TOGARAM1: variants seen among roughly 807,000 people sequenced by gnomAD.
TOGARAM1 encodes the protein TOG array regulator of axonemal microtubules 1, also known as TOG array regulator of axonemal microtubules protein 1.
A neutral mutation model predicts 166.6 loss-of-function variants in TOGARAM1; 100 were observed. That is an observed-to-expected ratio of 0.60 (90% CI 0.51 to 0.71). The LOEUF (loss-of-function observed/expected upper bound fraction) is 0.71. TOGARAM1 is among the 30% of genes least tolerant of loss of function. The probability of loss-of-function intolerance (pLI) is 0.00; values close to 1 mark genes in which losing one functional copy is unlikely to be tolerated. For missense variants in TOGARAM1, 2,029 were observed against 2,102.7 expected (o/e 0.96, Z 0.69); for synonymous variants, 758 against 763.8 (o/e 0.99, Z 0.13).
intron 15 of TOGARAM1, among the ~76,000 whole-genome samples, chr14:45,053,190 C>G (rs113801022): frequency 0.017 from 2,612 of 152,110 alleles, 43 homozygotes; most frequent in Admixed American, 0.047. Context: ...AGGTGCCCAC[C>G]ACCACGCCCA....
chr14:45,046,297 G>A (rs1882063712), intron 13 of TOGARAM1, among the ~76,000 whole-genome samples: 1 of 152,134 alleles, frequency 6.6e-6, no homozygotes, highest in African/African-American at 2.4e-5. Context: ...TTACCTGGGT[G>A]TGGTGGCACA....
chr14:45,020,678 G>A (rs1033016229), intron 7 of TOGARAM1, among the ~76,000 whole-genome samples: 1 of 152,206 alleles, frequency 6.6e-6, no homozygotes, highest in Non-Finnish European at 1.5e-5. Flanking sequence ...ATAGGCTGAG[G>A]TACCACAGAC....
chr14:44,981,853 T>A (rs1886555052), intron 1 of TOGARAM1, among the ~76,000 whole-genome samples: 1 of 148,866 alleles, frequency 6.7e-6, no homozygotes, highest in East Asian at 2.0e-4. Flanking sequence ...TTTTTTTTTT[T>A]TTTTTTTTGA....
intron 1 of TOGARAM1, among the ~76,000 whole-genome samples, chr14:44,988,750 TA>T (rs940224313): frequency 6.6e-6 from 1 of 152,216 alleles, no homozygotes; most frequent in African/African-American, 2.4e-5. Flanking sequence ...AACTAGGTCA[TA>T]AAAAGGCACT....
chr14:44,979,428 G>C (rs1040341762), intron 1 of TOGARAM1, among the ~76,000 whole-genome samples: 2 of 152,048 alleles, frequency 1.3e-5, no homozygotes, highest in African/African-American at 4.8e-5. Context: ...TGTTTTATAA[G>C]GGCACTAATC....
At chr14:45,039,400 G>T (rs1404084704) in intron 11 of TOGARAM1, among the ~76,000 whole-genome samples, 4 of 152,154 alleles carry the variant, frequency 2.6e-5, no homozygotes, top group African/African-American at 9.7e-5. Context: ...TGGCTTGAAG[G>T]TACGGCTTCA....
intron 2 of TOGARAM1, among the ~76,000 whole-genome samples, chr14:44,998,009 T>A (rs905788161): frequency 6.6e-6 from 1 of 152,246 alleles, no homozygotes; most frequent in South Asian, 2.1e-4. Context: ...ATCTAAATGA[T>A]AACAGTTTTC....
intron 1 of TOGARAM1, among the ~76,000 whole-genome samples, chr14:44,972,178 C>T (rs746858974): frequency 2.0e-5 from 3 of 152,046 alleles, no homozygotes; most frequent in African/African-American, 4.8e-5. Context: ...AGATTTGGGA[C>T]AGGATACAAA....
chr14:44,997,888 C>G (rs1887507571), intron 2 of TOGARAM1, among the ~76,000 whole-genome samples: 1 of 151,866 alleles, frequency 6.6e-6, no homozygotes, highest in African/African-American at 2.4e-5. Context: ...GATATAGCAC[C>G]CAGGTAATAA....
rs571433374 is a variant in TOGARAM1, at chr14:44,972,080, T to C, written c.2046+7613T>C. Among the ~76,000 whole-genome samples, 19 of 152,154 alleles carry C rather than the reference T, an allele frequency of 1.2e-4. 1 individual carries two copies. The East Asian group carries it at 2.3e-3, about 19-fold the overall frequency. On this transcript the variant is annotated intron_variant, in intron 1 of 19. Coordinates refer to ENST00000361462, the MANE Select transcript of TOGARAM1 (RefSeq NM_001308120.2). ...CAGATCTCTTGATAACTCACTATTATGAGAACAGGAAAGGGGATATCCAAC... is the reference window on the plus strand; with the variant it reads ...CAGATCTCTTGATAACTCACTATTACGAGAACAGGAAAGGGGATATCCAAC...
intron 14 of TOGARAM1, among the ~76,000 whole-genome samples, chr14:45,051,660 A>G (rs1882376652): frequency 6.6e-6 from 1 of 150,832 alleles, no homozygotes; most frequent in Non-Finnish European, 1.5e-5. Context: ...CCTGGATTCA[A>G]ATGATTTTCC....
chr14:45,002,569 T>C (rs181589796), intron 3 of TOGARAM1, among the ~76,000 whole-genome samples: 1 of 152,358 alleles, frequency 6.6e-6, no homozygotes, highest in East Asian at 1.9e-4. Flanking sequence ...TGCATCCCAA[T>C]TTACATATTG....
At chr14:45,017,406 AAC>A (rs113544622) in intron 7 of TOGARAM1, among the ~76,000 whole-genome samples, 425 of 144,536 alleles carry the variant, frequency 2.9e-3, no homozygotes, top group African/African-American at 5.8e-3. Context: ...ATGCACACAA[AAC>A]ACACACACAC....
chr14:44,995,023 G>T (rs1887346936), intron 1 of TOGARAM1, among the ~76,000 whole-genome samples: 1 of 152,160 alleles, frequency 6.6e-6, no homozygotes, highest in Non-Finnish European at 1.5e-5. Context: ...AATGTGAAGT[G>T]ATCCGGGACA....
chr14:45,045,745 GTATATATATACACATATA>G (rs1285246725), intron 13 of TOGARAM1, among the ~76,000 whole-genome samples: 1 of 136,980 alleles, frequency 7.3e-6, no homozygotes, highest in Non-Finnish European at 1.6e-5. Flanking sequence ...ATACACATAT[GTATATATATACACATATA>G]TATATAAAAC....
chr14:45,041,066 A>G (rs1054526308), intron 11 of TOGARAM1, among the ~76,000 whole-genome samples: 1 of 151,400 alleles, frequency 6.6e-6, no homozygotes, highest in Non-Finnish European at 1.5e-5. Context: ...AATAACTTGT[A>G]TAACCCAGTA....
intron 16 of TOGARAM1, among the ~76,000 whole-genome samples, chr14:45,063,371 C>G (rs1402201789): frequency 1.3e-5 from 2 of 152,058 alleles, no homozygotes; most frequent in African/African-American, 4.8e-5. Flanking sequence ...TTCCAAAGTG[C>G]CACCATTTTA....
chr14:45,071,572 T>C (rs1487718386), intron 18 of TOGARAM1, 140 bp from the exon 19 acceptor site: 4 of 512,386 alleles, frequency 7.8e-6, no homozygotes, highest in African/African-American at 6.0e-5. Flanking sequence ...AAATTTTAAA[T>C]AGTGATTATG....
At position 45,009,031 on chromosome 14, in the gene TOGARAM1, A is replaced by G. The variant is rs756109687; in HGVS notation, c.3023A>G (p.Asp1008Gly). 1.2e-6 allele frequency: 2 copies of G among 1,613,936 alleles called. No homozygotes were observed. Among genetic ancestry groups the G allele is most frequent in the Admixed American group, 3.3e-5 (2 of 59,982 alleles). ...DSAMKLDLTM[D>G]SPSLSSSPNI... ...GCAATGAAGCTCGACTTGACGATGG[A>G]CTCCCCGTCTCTGTCTTCCTCACCA... Residue 1008 changes from aspartate (D) to glycine (G), a missense_variant, in exon 6 of 20, where the codon GAC (aspartate) becomes GGC (glycine). Transcript: ENST00000361462.
Sources: gnomAD v4.1 joint callset for allele counts (sites outside exome capture counted in the v4.1 genomes callset) on GRCh38, gnomAD v4.1.1 for gene constraint, MANE v1.5 for transcripts, NCBI Gene and HGNC (gene_info 2026-07-23, HGNC 2026-07-21) for gene names.